MCTP1: variants seen among roughly 807,000 people sequenced by gnomAD.
MCTP1 encodes multiple C2 and transmembrane domain containing 1.
Under a neutral mutation model 120.6 loss-of-function variants are expected in MCTP1, and 69 were observed. That is an observed-to-expected ratio of 0.57 (90% CI 0.47 to 0.70). MCTP1 has a LOEUF of 0.70. MCTP1 is among the 30% of genes least tolerant of loss of function. The pLI is 0.00. For synonymous variants in MCTP1, 529 were observed against 493.1 expected, an observed-to-expected ratio of 1.07 and a Z score of -0.96; for missense variants, 1,203 against 1,248.8, an observed-to-expected ratio of 0.96 and a Z score of 0.55.
chr5:94,813,934 A>G (rs1338611535), intron 17 of MCTP1, among the ~76,000 whole-genome samples: 1 of 152,230 alleles, frequency 6.6e-6, no homozygotes, highest in Non-Finnish European at 1.5e-5. Flanking sequence ...AAGAAGTCAG[A>G]TGTAAAGGAC....
Position 95,284,839 on chromosome 5 carries a change from C to G in MCTP1, c.-264G>C, listed in dbSNP as rs1350528595. Among the ~76,000 whole-genome samples, 3 of 152,052 alleles carry G rather than the reference C, an allele frequency of 2.0e-5. No individual in the cohort carries two copies. The highest frequency in any genetic ancestry group is 2.1e-4 in the South Asian group (1 of 4,830). The stretch of plus-strand genomic sequence containing the variant: ...CGCACCTGCTGGGGTGGGCTGGAGC[C>G]GTAACCGAATCCCGGCCGCGGCGCC... On this transcript the variant is annotated 5_prime_UTR_variant, in exon 1 of 23. Transcript: ENST00000515393. The surrounding 1 kb of genome is among the most constrained non-coding windows in gnomAD (Gnocchi z 5.2).
At chr5:94,853,556 C>G (rs1052541978) in intron 17 of MCTP1, among the ~76,000 whole-genome samples, 3 of 151,800 alleles carry the variant, frequency 2.0e-5, no homozygotes, top group Non-Finnish European at 4.4e-5. Context: ...ATGAGGTTAC[C>G]CAGCTCAGAA....
intron 1 of MCTP1, among the ~76,000 whole-genome samples, chr5:95,211,488 T>A (rs913958324): frequency 4.9e-4 from 75 of 152,348 alleles, no homozygotes; most frequent in African/African-American, 1.5e-3. Context: ...GCTTCTGCAT[T>A]CTTCACATAG....
chr5:94,828,353 T>C (rs1787710006), intron 17 of MCTP1, among the ~76,000 whole-genome samples: 1 of 152,194 alleles, frequency 6.6e-6, no homozygotes, highest in African/African-American at 2.4e-5. Flanking sequence ...ACCTGCCAGA[T>C]GCCAGCTGGA....
At chr5:95,186,269 A>G (rs1749198657) in intron 1 of MCTP1, among the ~76,000 whole-genome samples, 1 of 142,558 alleles carries the variant, frequency 7.0e-6, no homozygotes. Context: ...ACCAAAAAAA[A>G]AAGAAAAAAA....
chr5:95,135,690 G>A lies in MCTP1; in HGVS notation c.721-118206C>T, dbSNP rs142814226. Among the ~76,000 whole-genome samples the A allele has an allele frequency of 8.5e-3, 1,296 of 152,256 alleles. 24 individuals carry two copies. Among genetic ancestry groups the A allele is most frequent in the African/African-American group, 0.028 (1,172 of 41,536 alleles). On this transcript the variant is annotated intron_variant, in intron 1 of 22. Coordinates refer to ENST00000515393, the MANE Select transcript of MCTP1 (RefSeq NM_024717.7). ...TCCAAGTTCTTCAGTTTTGAGACTC[G>A]GACTGGCTCTCCATGCTCCTCAAGC...
intron 1 of MCTP1, among the ~76,000 whole-genome samples, chr5:95,189,168 C>T (rs1225559891): frequency 6.6e-6 from 1 of 152,038 alleles, no homozygotes; most frequent in Non-Finnish European, 1.5e-5. Context: ...ACATGCAACA[C>T]CATAGTTAAT....
At chr5:95,008,828 A>C (rs1220619361) in intron 2 of MCTP1, among the ~76,000 whole-genome samples, 1 of 152,130 alleles carries the variant, frequency 6.6e-6, no homozygotes, top group Non-Finnish European at 1.5e-5. Context: ...TGATGCATCT[A>C]TAAGCCAAGA....
chr5:94,872,829 C>T (rs1449564445), intron 13 of MCTP1, among the ~76,000 whole-genome samples: 1 of 151,910 alleles, frequency 6.6e-6, no homozygotes, highest in Non-Finnish European at 1.5e-5. Context: ...GAAAGAATTT[C>T]AATAGAAAGT....
rs532349562 is a variant in MCTP1 at position 94,768,218 on chromosome 5, T to C, written c.2610+10892A>G. ...ATATCCATATGCAGAAGAATAAAAC[T>C]AGACACCTCTATCTCACCATACACA... On this transcript the variant is annotated intron_variant, in intron 19 of 22. Transcript: ENST00000515393. Among the ~76,000 whole-genome samples, 25 of 152,168 alleles carry C rather than the reference T, an allele frequency of 1.6e-4. 1 individual carries two copies. Among genetic ancestry groups the C allele is most frequent in the Non-Finnish European group, 3.5e-4 (24 of 67,996 alleles).
intron 1 of MCTP1, among the ~76,000 whole-genome samples, chr5:95,142,359 AC>A (rs1471808375): frequency 6.6e-6 from 1 of 152,206 alleles, no homozygotes; most frequent in Non-Finnish European, 1.5e-5. Context: ...CTAACAGGAA[AC>A]TTTTTACAAT....
intron 1 of MCTP1, among the ~76,000 whole-genome samples, chr5:95,045,202 A>T (rs1842964552): frequency 6.6e-6 from 1 of 152,178 alleles, no homozygotes; most frequent in Non-Finnish European, 1.5e-5. Context: ...TGGCAGGACT[A>T]GCTCCTTCTC....
intron 1 of MCTP1, among the ~76,000 whole-genome samples, chr5:95,141,763 G>A (rs893651640): frequency 2.0e-5 from 3 of 151,530 alleles, no homozygotes; most frequent in African/African-American, 7.3e-5. Flanking sequence ...TGGTGTGCCA[G>A]TGCTGGTTTT....
At chr5:95,002,213 G>A (rs182389445) in intron 2 of MCTP1, among the ~76,000 whole-genome samples, 1 of 152,352 alleles carries the variant, frequency 6.6e-6, no homozygotes, top group African/African-American at 2.4e-5. Context: ...GTTTGCTGCA[G>A]GGGTAGAGTC....
chr5:95,257,834 C>G (rs686420), intron 1 of MCTP1, among the ~76,000 whole-genome samples: 129,895 of 150,752 alleles, frequency 0.86, 56,287 homozygotes, highest in African/African-American at 0.95. Flanking sequence ...CACACACAGA[C>G]GGGAGTATAT....
chr5:95,265,689 AT>A (rs1758827545), intron 1 of MCTP1, among the ~76,000 whole-genome samples: 4 of 152,288 alleles, frequency 2.6e-5, no homozygotes, highest in African/African-American at 7.2e-5. Flanking sequence ...AGGGATTCCC[AT>A]GGTTTTATTT....
chr5:94,940,454 C>G (rs1817316043), intron 4 of MCTP1, among the ~76,000 whole-genome samples: 1 of 149,412 alleles, frequency 6.7e-6, no homozygotes, highest in Admixed American at 6.7e-5. Context: ...AGACTACAAC[C>G]CTATTAAGAA....
intron 1 of MCTP1, among the ~76,000 whole-genome samples, chr5:95,228,491 A>AGAGC (rs897308078): frequency 1.4e-5 from 2 of 147,386 alleles, no homozygotes; most frequent in African/African-American, 5.0e-5. Context: ...AGAGAGAGAG[A>AGAGC]GCGAGACAAA....
chr5:95,092,518 T>C (rs758247114), intron 1 of MCTP1, among the ~76,000 whole-genome samples: 5 of 152,176 alleles, frequency 3.3e-5, no homozygotes, highest in Non-Finnish European at 1.5e-5. Flanking sequence ...GCTAGAATCA[T>C]GGATTTTGAA....
Sources: allele counts gnomAD v4.1 joint callset (sites outside exome capture counted in the v4.1 genomes callset), GRCh38; gene constraint gnomAD v4.1.1; non-coding constraint Gnocchi (gnomAD v3.1); transcripts MANE v1.5; gene names NCBI Gene and HGNC (gene_info 2026-07-23, HGNC 2026-07-21).